Variants in MIR2052HG observed in about 807,000 individuals in gnomAD.
The protein encoded by MIR2052HG is MIR2052 host gene.
chr8:74,692,629 C>G (rs1207696920), intron 2 of MIR2052HG, among the ~76,000 whole-genome samples: 3 of 152,196 alleles, frequency 2.0e-5, no homozygotes, highest in South Asian at 4.1e-4. Flanking sequence ...AACACTTCCC[C>G]TCTTTACATA....
At chr8:74,725,744 A>G (rs1809628781) in intron 4 of MIR2052HG, among the ~76,000 whole-genome samples, 1 of 152,196 alleles carries the variant, frequency 6.6e-6, no homozygotes. Context: ...CGATAGCCCT[A>G]CACTGAACAA....
intron 1 of MIR2052HG, chr8:74,603,537 T>G (rs906185620): frequency 6.6e-6 from 10 of 1,526,226 alleles, no homozygotes; most frequent in African/African-American, 4.1e-5. Context: ...TCTGAGCAGA[T>G]GTATCCAAAC....
chr8:74,681,012 A>G (rs963741220), intron 2 of MIR2052HG, among the ~76,000 whole-genome samples: 2 of 140,098 alleles, frequency 1.4e-5, no homozygotes, highest in Non-Finnish European at 1.5e-5. Context: ...GAATTGAACA[A>G]TGAGAACACA....
At chr8:74,641,984 C>T (rs528023665) in intron 2 of MIR2052HG, among the ~76,000 whole-genome samples, 59 of 152,154 alleles carry the variant, frequency 3.9e-4, no homozygotes, top group Non-Finnish European at 7.2e-4. Flanking sequence ...AGTACAGGGG[C>T]AGAAAACGTA....
chr8:74,732,078 A>G lies in MIR2052HG; in HGVS notation n.372-20363A>G, dbSNP rs7839813. 6.2e-3 allele frequency among the ~76,000 whole-genome samples: 945 copies of G among 152,294 alleles called. 6 individuals are homozygous for G. The highest frequency in any genetic ancestry group is 0.021 in the African/African-American group (869 of 41,568). ...CCAAGGAGACTAATACAGTAGGCCC[A>G]TGAGTTCTGCATCTGTAGCTTCAAC... On this transcript the variant is annotated intron_variant and non_coding_transcript_variant, in intron 4 of 6. Transcript: ENST00000523442.
intron 2 of MIR2052HG, among the ~76,000 whole-genome samples, chr8:74,640,412 A>G (rs958725172): frequency 6.8e-6 from 1 of 147,458 alleles, no homozygotes; most frequent in African/African-American, 2.5e-5. Flanking sequence ...CAGAGGTTGC[A>G]GTGAGTCGAA....
At chr8:74,666,872 T>C (rs956568902) in intron 2 of MIR2052HG, among the ~76,000 whole-genome samples, 2 of 152,218 alleles carry the variant, frequency 1.3e-5, no homozygotes, top group Non-Finnish European at 2.9e-5. Flanking sequence ...CCAGTTCTGC[T>C]AGTCCTACTT....
intron 2 of MIR2052HG, among the ~76,000 whole-genome samples, chr8:74,639,033 G>A (rs1249523405): frequency 6.6e-6 from 1 of 152,162 alleles, no homozygotes; most frequent in Non-Finnish European, 1.5e-5. Flanking sequence ...AATTCGGAGA[G>A]ACTGAGTCCT....
chr8:74,689,568 G>C lies in MIR2052HG; in HGVS notation n.217-12811G>C, dbSNP rs150776469. ...CCTGAGTTTAATTCTTTCTGTTGAA[G>C]ACTATTCTGTAACCATTTGGACATT... On this transcript the variant is annotated intron_variant and non_coding_transcript_variant, in intron 2 of 6. Coordinates refer to ENST00000523442, the Ensembl canonical transcript of MIR2052HG. 5.3e-3 allele frequency among the ~76,000 whole-genome samples: 810 copies of C among 152,228 alleles called. 9 individuals are homozygous for C. The highest frequency in any genetic ancestry group is 0.018 in the African/African-American group (732 of 41,548).
intron 2 of MIR2052HG, among the ~76,000 whole-genome samples, chr8:74,679,137 T>G (rs1358945159): frequency 6.6e-6 from 1 of 152,186 alleles, no homozygotes; most frequent in African/African-American, 2.4e-5. Context: ...ACAGGTGGTT[T>G]TTTGTTCATG....
intron 2 of MIR2052HG, among the ~76,000 whole-genome samples, chr8:74,648,283 G>A (rs899754376): frequency 2.0e-5 from 3 of 152,096 alleles, no homozygotes; most frequent in Non-Finnish European, 4.4e-5. Context: ...GTTGAGATAA[G>A]GACTGAAATA....
At chr8:74,602,876 T>TCTTTCCTTTCTTTCTTTCTTTC (rs1554570015) in intron 1 of MIR2052HG, among the ~76,000 whole-genome samples, 3 of 137,180 alleles carry the variant, frequency 2.2e-5, no homozygotes, top group East Asian at 2.2e-4. Context: ...TTTCTTTCTT[T>TCTTTCCTTTCTTTCTTTCTTTC]TTTCTATTCA....
chr8:74,621,927 G>A (rs191099255), intron 2 of MIR2052HG, among the ~76,000 whole-genome samples: 11 of 152,292 alleles, frequency 7.2e-5, no homozygotes, highest in African/African-American at 2.6e-4. Context: ...TCAAATGTAA[G>A]GCCTGTAACT....
intron 1 of MIR2052HG, among the ~76,000 whole-genome samples, chr8:74,607,261 G>A (rs988612945): frequency 3.3e-5 from 5 of 152,152 alleles, no homozygotes; most frequent in African/African-American, 1.2e-4. Flanking sequence ...AAGGGAGTGA[G>A]TTTTTTAGGG....
intron 5 of MIR2052HG, among the ~76,000 whole-genome samples, chr8:74,754,201 TC>T (rs1432947100): frequency 1.3e-5 from 2 of 152,216 alleles, no homozygotes; most frequent in South Asian, 4.1e-4. Flanking sequence ...AACAGAGCAC[TC>T]AGCACATAGG....
At chr8:74,627,632 G>C (rs1160870814) in intron 2 of MIR2052HG, among the ~76,000 whole-genome samples, 1 of 152,154 alleles carries the variant, frequency 6.6e-6, no homozygotes, top group African/African-American at 2.4e-5. Flanking sequence ...GATTGATAAT[G>C]ACAGGTAGGA....
chr8:74,686,246 A>G (rs192639694), intron 2 of MIR2052HG, among the ~76,000 whole-genome samples: 2 of 151,800 alleles, frequency 1.3e-5, no homozygotes, highest in East Asian at 1.9e-4. Context: ...TTTTTATTTC[A>G]TGGTCTCCCT....
At chr8:74,717,560 G>GTAATCC (rs1239322779) in intron 4 of MIR2052HG, among the ~76,000 whole-genome samples, 1 of 152,062 alleles carries the variant, frequency 6.6e-6, no homozygotes, top group Admixed American at 6.6e-5. Flanking sequence ...GCTCTTGCCC[G>GTAATCC]TAATCCCAGC....
chr8:74,724,906 A>G (rs1054812805), intron 4 of MIR2052HG, among the ~76,000 whole-genome samples: 2 of 152,070 alleles, frequency 1.3e-5, no homozygotes, highest in South Asian at 2.1e-4. Flanking sequence ...GGCCTTCCCA[A>G]TTCTGCTGGT....
Sources: gnomAD v4.1 joint callset for allele counts (sites outside exome capture counted in the v4.1 genomes callset) on GRCh38, gnomAD v4.1.1 for gene constraint, MANE v1.5 for transcripts, NCBI Gene and HGNC (gene_info 2026-07-23, HGNC 2026-07-21) for gene names.